The following MARK3 variants were observed in gnomAD, a reference collection of about 807,000 sequenced individuals.
The protein encoded by MARK3 is MAP/microtubule affinity-regulating kinase 3.
MARK3 carries 46 observed loss-of-function variants against 90.1 expected under a neutral mutation model. The ratio of observed to expected loss-of-function variants is 0.51; its 90% CI spans 0.40 to 0.65. The LOEUF is 0.65. MARK3 is among the 30% of genes least tolerant of loss of function. The pLI, the probability that MARK3 is intolerant of heterozygous loss-of-function variation, is 0.00. For synonymous variants in MARK3, 321 were observed against 332.6 expected, an observed-to-expected ratio of 0.97 and a Z score of 0.38; for missense variants, 818 against 947.2, an observed-to-expected ratio of 0.86 and a Z score of 1.79.
At chr14:103,490,635 A>G (rs1426341146) in intron 14 of MARK3, 3 of 152,604 alleles carry the variant, frequency 2.0e-5, no homozygotes, top group Non-Finnish European at 1.5e-5. Context: ...GAATTGAGGC[A>G]TCTCTTAGAA....
intron 2 of MARK3, among the ~76,000 whole-genome samples, chr14:103,415,150 CAAAAAAAAAAA>C (rs34245934): frequency 1.9e-3 from 71 of 37,712 alleles, no homozygotes; most frequent in Admixed American, 0.012. Context: ...GACCTTGTCT[CAAAAAAAAAAA>C]AAAAAAAAAA....
intron 2 of MARK3, among the ~76,000 whole-genome samples, chr14:103,427,496 T>TAAAAAAAAAAAAAAAA (rs1566824215): frequency 1.1e-4 from 1 of 9,078 alleles, no homozygotes; most frequent in African/African-American, 2.4e-4. Flanking sequence ...GGAGACTGTT[T>TAAAAAAAAAAAAAAAA]CAAAAAAAAA....
chr14:103,484,321 C>G (rs1175265771), intron 14 of MARK3, among the ~76,000 whole-genome samples: 2 of 152,102 alleles, frequency 1.3e-5, no homozygotes, highest in Non-Finnish European at 2.9e-5. Flanking sequence ...GGATTACAGG[C>G]ACACACCACC....
intron 15 of MARK3, among the ~76,000 whole-genome samples, chr14:103,496,756 A>G (rs941332602): frequency 6.6e-5 from 10 of 152,164 alleles, no homozygotes; most frequent in Non-Finnish European, 1.3e-4. Flanking sequence ...GAAATGGGCC[A>G]GGCACTGTAC....
intron 13 of MARK3, among the ~76,000 whole-genome samples, chr14:103,476,183 G>T (rs1342068938): frequency 6.6e-6 from 1 of 152,168 alleles, no homozygotes; most frequent in African/African-American, 2.4e-5. Context: ...AGGTTGTCAG[G>T]TGCTGAGACA....
At chr14:103,476,124 C>G (rs2093710321) in intron 13 of MARK3, among the ~76,000 whole-genome samples, 1 of 152,114 alleles carries the variant, frequency 6.6e-6, no homozygotes, top group Non-Finnish European at 1.5e-5. Flanking sequence ...GTGATAGGTC[C>G]TTTATTTCAA....
intron 6 of MARK3, among the ~76,000 whole-genome samples, chr14:103,458,088 C>A (rs568056897): frequency 1.3e-5 from 2 of 152,134 alleles, no homozygotes; most frequent in African/African-American, 2.4e-5. Context: ...CTGTAAAGGG[C>A]CAGATAGTGA....
chr14:103,444,863 C>T (rs2141253139), intron 3 of MARK3, among the ~76,000 whole-genome samples: 1 of 152,170 alleles, frequency 6.6e-6, no homozygotes, highest in African/African-American at 2.4e-5. Context: ...CTGGTATAGT[C>T]CTTATAGGGA....
At chr14:103,470,172 T>C (rs781215960) in intron 12 of MARK3, among the ~76,000 whole-genome samples, 3 of 152,052 alleles carry the variant, frequency 2.0e-5, no homozygotes, top group Non-Finnish European at 2.9e-5. Context: ...AGTTTTGCCT[T>C]AATTGGTTTA....
At chr14:103,466,983 A>C (rs2093516177) in intron 10 of MARK3, 96 bp from the exon 11 acceptor site, 1 of 574,832 alleles carries the variant, frequency 1.7e-6, no homozygotes, top group African/African-American at 2.0e-5. Flanking sequence ...CAGCCTGGGC[A>C]ACAAGAGTGA....
At chr14:103,498,462 T>C in intron 15 of MARK3, 40 bp from the exon 16 acceptor site, 1 of 1,232,096 alleles carries the variant, frequency 8.1e-7, no homozygotes, top group Non-Finnish European at 1.1e-6. Flanking sequence ...TGCGAGTTAT[T>C]TTTGTTAATT....
At chr14:103,441,408 C>G (rs1269822577) in intron 3 of MARK3, 3 of 152,178 alleles carry the variant, frequency 2.0e-5, no homozygotes, top group Non-Finnish European at 4.4e-5. Context: ...CCTCAGCCTC[C>G]CGAGTAGCTG....
chr14:103,458,666 A>T (rs1439205104), intron 6 of MARK3: 1 of 638,808 alleles, frequency 1.6e-6, no homozygotes, highest in Non-Finnish European at 2.8e-6. Context: ...GCCTACATTG[A>T]AATGGAATTA....
chr14:103,475,014 T>G lies in MARK3; in HGVS notation c.1286T>G (p.Val429Gly). 6.2e-7 allele frequency: 1 copy of G among 1,613,938 alleles called. No individual in the cohort carries two copies. Among genetic ancestry groups the G allele is most frequent in the Non-Finnish European group, 8.5e-7 (1 of 1,179,810 alleles). ...SDHAGPAIPS[V>G]VAYPKRSQTS... ...TTAGCTGGACCAGCTATTCCTTCTG[T>G]TGTGGCGTATCCGAAAAGGAGTCAG... Residue 429 changes from valine to glycine, a missense_variant, in exon 13 of 18, where the codon GTT becomes GGT. Around this residue, in one of 3 missense-constraint regions of MARK3, gnomAD observed 560 missense variants for 613.5 expected, o/e 0.91. Coordinates refer to ENST00000429436, the MANE Select transcript of MARK3 (RefSeq NM_001128918.3).
intron 2 of MARK3, among the ~76,000 whole-genome samples, chr14:103,421,835 A>C (rs370416246): frequency 1.3e-5 from 2 of 152,172 alleles, no homozygotes; most frequent in Non-Finnish European, 2.9e-5. Flanking sequence ...AGAGAAATGC[A>C]TGTGATCAAT....
intron 5 of MARK3, among the ~76,000 whole-genome samples, chr14:103,454,421 T>A (rs2141381885): frequency 6.6e-6 from 1 of 152,226 alleles, no homozygotes; most frequent in Non-Finnish European, 1.5e-5. Context: ...GGCTAATTTT[T>A]CTAATTTTTA....
chr14:103,455,247 A>G (rs1292058102), intron 5 of MARK3, among the ~76,000 whole-genome samples: 4 of 152,122 alleles, frequency 2.6e-5, no homozygotes. Context: ...CTCCTATATG[A>G]TATTCACTCA....
intron 3 of MARK3, among the ~76,000 whole-genome samples, chr14:103,439,035 A>T (rs931681759): frequency 2.0e-5 from 3 of 150,480 alleles, no homozygotes. Flanking sequence ...CTCTTATTTT[A>T]CATTTTTAGA....
Position 103,459,734 on chromosome 14 carries a change from A to G in MARK3, c.483+2522A>G, listed in dbSNP as rs573217620. 7.9e-4 allele frequency among the ~76,000 whole-genome samples: 119 copies of G among 151,288 alleles called. 1 individual carries two copies. The highest frequency in any genetic ancestry group is 2.8e-3 in the African/African-American group (116 of 41,302). On this transcript the variant is annotated intron_variant, in intron 6 of 17. Coordinates refer to ENST00000429436, the MANE Select transcript of MARK3 (RefSeq NM_001128918.3). ...CACCAGTGTTGGCCAGGCTGGTCTC[A>G]GACTCCTGATCTCAAGTGATCTGCC...
Sources: allele counts gnomAD v4.1 joint callset (sites outside exome capture counted in the v4.1 genomes callset), GRCh38; gene constraint gnomAD v4.1.1; regional missense constraint gnomAD v4.1.1; transcripts MANE v1.5; gene names NCBI Gene and HGNC (gene_info 2026-07-23, HGNC 2026-07-21).